The following NUP153 variants were observed in gnomAD, a reference collection of about 807,000 sequenced individuals.
NUP153 encodes nucleoporin 153.
NUP153 carries 27 observed loss-of-function variants against 134.6 expected under a neutral mutation model. The observed-to-expected ratio is 0.20, with a 90% CI of 0.15 to 0.28. NUP153 has a LOEUF of 0.28. Among genes scored for constraint, NUP153 ranks in the 10% least tolerant of loss-of-function variants. The pLI is 1.00. For synonymous variants in NUP153, 640 were observed against 623.5 expected, an observed-to-expected ratio of 1.03 and a Z score of -0.40; for missense variants, 1,821 against 1,731.3, an observed-to-expected ratio of 1.05 and a Z score of -0.92.
intron 15 of NUP153, among the ~76,000 whole-genome samples, chr6:17,639,095 A>T (rs1399346364): frequency 6.7e-6 from 1 of 149,960 alleles, no homozygotes; most frequent in Non-Finnish European, 1.5e-5. Context: ...TTTTTTTTTT[A>T]AAGACAGAGT....
Position 17,626,175 on chromosome 6 carries a change from G to C in NUP153, c.3545-11C>G. ...TTGCTGCACCTTGATCTGTAAGACA[G>C]AAATTAAGAAACAAACATAAATCCT... is the stretch of plus-strand genomic sequence containing the variant. On this transcript the variant is annotated splice_polypyrimidine_tract_variant and intron_variant, in intron 18 of 21. Coordinates refer to ENST00000262077, the MANE Select transcript of NUP153 (RefSeq NM_005124.4). 2 of 1,583,450 alleles carry C rather than the reference G, an allele frequency of 1.3e-6. No individual in the cohort carries two copies. Among genetic ancestry groups the C allele is most frequent in the Non-Finnish European group, 1.7e-6 (2 of 1,157,244 alleles).
At chr6:17,694,201 T>C (rs1769478283) in intron 1 of NUP153, among the ~76,000 whole-genome samples, 1 of 152,332 alleles carries the variant, frequency 6.6e-6, no homozygotes, top group Non-Finnish European at 1.5e-5. Flanking sequence ...TATTTAATGC[T>C]TGACATGTGG....
intron 9 of NUP153, among the ~76,000 whole-genome samples, chr6:17,663,566 T>C (rs1304397015): frequency 6.6e-6 from 1 of 152,172 alleles, no homozygotes; most frequent in Admixed American, 6.6e-5. Context: ...GATCACACTA[T>C]GTTCAAAATA....
At position 17,637,236 on chromosome 6, in the gene NUP153, A is replaced by G. The variant is rs747957132; in HGVS notation, c.2381T>C (p.Ile794Thr). The G allele has an allele frequency of 6.2e-7, 1 of 1,614,152 alleles. No homozygotes were observed. Among genetic ancestry groups the G allele is most frequent in the South Asian group, 1.1e-5 (1 of 91,074 alleles). Residue 794 changes from isoleucine (I) to threonine (T), a missense_variant, in exon 16 of 22, where the codon ATT (isoleucine) becomes ACT (threonine). By Grantham distance (89) the Ile-to-Thr change is moderately conservative. Transcript: ENST00000262077. ...GCATACTGAACACTCCCAAGATCCA[A>G]TGGGCCTTTTGAATTTATCTCCAAA... ...LGFGDKFKRP[I>T]GSWECSVCCV...
intron 20 of NUP153, among the ~76,000 whole-genome samples, chr6:17,621,824 G>C (rs1182380293): frequency 6.6e-6 from 1 of 152,156 alleles, no homozygotes; most frequent in Non-Finnish European, 1.5e-5. Flanking sequence ...AAAATAGCTA[G>C]AAGTTCTGAA....
At chr6:17,701,849 A>AG (rs1770125717) in intron 1 of NUP153, among the ~76,000 whole-genome samples, 1 of 112,366 alleles carries the variant, frequency 8.9e-6, no homozygotes. Context: ...GGGGGGAAAA[A>AG]AGCTAAATGC....
intron 11 of NUP153, among the ~76,000 whole-genome samples, chr6:17,653,588 G>C (rs1244548475): frequency 6.6e-6 from 1 of 152,214 alleles, no homozygotes; most frequent in East Asian, 1.9e-4. Flanking sequence ...TTTACGAAAA[G>C]ACCTGAACAA....
intron 17 of NUP153, among the ~76,000 whole-genome samples, chr6:17,632,118 G>A (rs562864384): frequency 3.3e-5 from 5 of 152,114 alleles, no homozygotes; most frequent in Admixed American, 1.3e-4. Flanking sequence ...TTTTAATTTA[G>A]AGGTGTATTC....
At chr6:17,669,209 G>C in intron 7 of NUP153, 84 bp downstream of exon 7, 1 of 1,217,770 alleles carries the variant, frequency 8.2e-7, no homozygotes, top group South Asian at 1.3e-5. Flanking sequence ...CTCCCAAGTA[G>C]CTGGGACTAC....
chr6:17,661,624 C>T (rs145241480), intron 11 of NUP153, 29 bp downstream of exon 11: 3 of 1,599,222 alleles, frequency 1.9e-6, no homozygotes, highest in Non-Finnish European at 2.6e-6. Context: ...TTAAATAAAC[C>T]TCAAGAGTAT....
At position 17,674,927 on chromosome 6, in the gene NUP153, T is replaced by A. The variant is rs1428738513; in HGVS notation, c.830A>T (p.Lys277Ile). 4 of 1,612,410 alleles carry A rather than the reference T, an allele frequency of 2.5e-6. No homozygotes were observed. Among genetic ancestry groups the A allele is most frequent in the Non-Finnish European group, 3.4e-6 (4 of 1,179,352 alleles). ...GGAAAAVRQS[K>I]LRNTPYQAPV... The stretch of plus-strand genomic sequence containing the variant: ...TACCTGATAAGGTGTATTTCGTAGT[T>A]TAGACTGTCTTACAGCAGCTGCTGC... Residue 277 changes from lysine to isoleucine, a missense_variant, in exon 5 of 22, where the codon AAA (lysine) becomes ATA (isoleucine). By Grantham distance (102) the Lys-to-Ile change is moderately radical. Coordinates refer to ENST00000262077, the MANE Select transcript of NUP153 (RefSeq NM_005124.4).
At chr6:17,635,104 CTTTTT>C (rs59700511) in intron 16 of NUP153, among the ~76,000 whole-genome samples, 20,990 of 103,990 alleles carry the variant, frequency 0.2, 1,380 homozygotes, top group Non-Finnish European at 0.26. Context: ...CTTGGCTTAT[CTTTTT>C]TTTTTTTTTT....
In NUP153 at chr6:17,706,506, T is replaced by G. The variant is rs1581798971; in HGVS notation, c.-119A>C. 5.7e-6 allele frequency: 4 copies of G among 698,488 alleles called. No individual in the cohort carries two copies. The East Asian group carries it at 8.3e-5, about 15-fold the overall frequency. The allele number at this position is 698,488 out of a possible 1,614,324, so 43.3% of individuals were successfully genotyped here. On this transcript the variant is annotated 5_prime_UTR_variant, in exon 1 of 22. Transcript: ENST00000262077. The surrounding 1 kb of genome is among the most constrained non-coding windows in gnomAD (Gnocchi z 5.9). The stretch of plus-strand genomic sequence containing the variant: ...CCGGCCCAAAAGTCCGCCCGCGCTG[T>G]CCACACAGTGGGCACAAGCACCCCA...
At chr6:17,654,608 C>T (rs1429009656) in intron 11 of NUP153, among the ~76,000 whole-genome samples, 2 of 152,202 alleles carry the variant, frequency 1.3e-5, no homozygotes, top group Admixed American at 6.6e-5. Context: ...GCATGAACCA[C>T]CGCGCCCAGC....
chr6:17,661,330 G>A lies in NUP153; in HGVS notation c.1395+323C>T, dbSNP rs188528895. Among the ~76,000 whole-genome samples the A allele has an allele frequency of 2.5e-3, 381 of 152,084 alleles. 5 individuals are homozygous for A. The highest frequency in any genetic ancestry group is 8.5e-3 in the African/African-American group (352 of 41,530). ...CTGTATCTTAAAAAAAGAAGAATAC[G>A]TATAGTATTAATCCTATTTATGAAC... On this transcript the variant is annotated intron_variant, in intron 11 of 21. Transcript: ENST00000262077.
chr6:17,616,538 T>C lies in NUP153; in HGVS notation c.4332A>G (p.Ala1444=). The stretch of plus-strand genomic sequence containing the variant: ...AAAAATTCTCTTACCCCACTGTAAA[T>C]GCTGCTGGAGACTGGTTAAATGGAA... ...GGFPFNQSPA[A]FTVGSNGKNV... The change falls in exon 21 of 22, where the codon GCA becomes GCG. Residue 1444 remains alanine, a synonymous_variant. Coordinates refer to ENST00000262077, the MANE Select transcript of NUP153 (RefSeq NM_005124.4). 4 of 1,608,684 alleles carry C rather than the reference T, an allele frequency of 2.5e-6. No individual in the cohort carries two copies. Among genetic ancestry groups the C allele is most frequent in the Non-Finnish European group, 2.5e-6 (3 of 1,178,148 alleles).
In NUP153 at chr6:17,686,273, A is replaced by G. The variant is rs185324361; in HGVS notation, c.334+2123T>C. 2.4e-3 allele frequency among the ~76,000 whole-genome samples: 373 copies of G among 152,362 alleles called. 1 individual carries two copies. The highest frequency in any genetic ancestry group is 3.5e-3 in the Non-Finnish European group (237 of 68,038). On this transcript the variant is annotated intron_variant, in intron 2 of 21. Coordinates refer to ENST00000262077, the MANE Select transcript of NUP153 (RefSeq NM_005124.4). ...AGGAGATGATAGCTCCATGGATGTT[A>G]ATGCCCCTGAAGAGTATCCAGTGCG...
At chr6:17,634,835 A>G (rs1250302633) in intron 16 of NUP153, among the ~76,000 whole-genome samples, 5 of 152,208 alleles carry the variant, frequency 3.3e-5, no homozygotes, top group African/African-American at 1.2e-4. Context: ...TACATTATCT[A>G]TTGCCTGTAT....
At chr6:17,642,858 G>A (rs1765902874) in intron 14 of NUP153, among the ~76,000 whole-genome samples, 1 of 152,130 alleles carries the variant, frequency 6.6e-6, no homozygotes. Context: ...AGCCATAAAA[G>A]GAATGAAGTA....
Sources: allele counts gnomAD v4.1 joint callset (sites outside exome capture counted in the v4.1 genomes callset), GRCh38; gene constraint gnomAD v4.1.1; non-coding constraint Gnocchi (gnomAD v3.1); transcripts MANE v1.5; gene names NCBI Gene and HGNC (gene_info 2026-07-23, HGNC 2026-07-21).